The following PRKCA variants were observed in gnomAD, a reference collection of about 807,000 sequenced individuals.
PRKCA encodes the protein protein kinase C alpha type.
PRKCA carries 27 observed loss-of-function variants against 87.0 expected under a neutral mutation model. The ratio of observed to expected loss-of-function variants is 0.31; its 90% CI spans 0.23 to 0.43. PRKCA has a LOEUF of 0.43. PRKCA is among the 20% of genes least tolerant of loss of function. The pLI is 1.00. For synonymous variants in PRKCA, 329 were observed against 311.1 expected (o/e 1.06, Z -0.61); for missense variants, 518 against 852.3 (o/e 0.61, Z 4.88).
Position 66,415,385 on chromosome 17 carries a change from A to AT in PRKCA, c.206-80812dup. 6 of 152,216 alleles carry AT rather than the reference A, an allele frequency of 3.9e-5. No individual in the cohort carries two copies. The South Asian group carries it at 1.2e-3, about 32-fold the overall frequency. 9.4% of individuals were successfully genotyped at this position (152,216 alleles called of 1,614,324 possible). ...ACACTTGAAGTGAATGTCCTTTGTA[A>AT]TTTTCAAAGTGATCAGTGAGGGATT... On this transcript the variant is annotated intron_variant, in intron 2 of 16. Coordinates refer to ENST00000413366, the MANE Select transcript of PRKCA (RefSeq NM_002737.3).
chr17:66,603,992 G>A (rs562182228), intron 3 of PRKCA, among the ~76,000 whole-genome samples: 14 of 152,120 alleles, frequency 9.2e-5, no homozygotes, highest in South Asian at 2.1e-4. Context: ...TGGATATACC[G>A]CCCTTTGTCG....
chr17:66,650,837 C>T (rs1971573349), intron 5 of PRKCA, among the ~76,000 whole-genome samples: 1 of 152,184 alleles, frequency 6.6e-6, no homozygotes, highest in African/African-American at 2.4e-5. Context: ...AGGAAATGAG[C>T]CTCAGCTTTG....
At chr17:66,702,214 G>GT (rs1388811304) in intron 8 of PRKCA, among the ~76,000 whole-genome samples, 1 of 152,054 alleles carries the variant, frequency 6.6e-6, no homozygotes, top group African/African-American at 2.4e-5. Flanking sequence ...ATGTGTGTAT[G>GT]TGTGTGTATA....
intron 3 of PRKCA, among the ~76,000 whole-genome samples, chr17:66,528,900 T>A (rs889383941): frequency 3.9e-5 from 6 of 152,162 alleles, no homozygotes; most frequent in Non-Finnish European, 7.3e-5. Context: ...CTTTTAAATG[T>A]TAGAGGAGGG....
intron 2 of PRKCA, among the ~76,000 whole-genome samples, chr17:66,489,977 C>CTCTACTAAACATGAG (rs377417727): frequency 1.2e-3 from 179 of 152,114 alleles, no homozygotes; most frequent in African/African-American, 4.2e-3. Flanking sequence ...GACAGGGTTT[C>CTCTACTAAACATGAG]ACCATGTTGG....
chr17:66,538,700 G>T (rs9895770), intron 3 of PRKCA, among the ~76,000 whole-genome samples: 46,927 of 152,068 alleles, frequency 0.31, 7,963 homozygotes, highest in African/African-American at 0.44. Flanking sequence ...CATCCCTTGT[G>T]GGCAGTACTG....
chr17:66,355,937 C>T (rs11079652), intron 2 of PRKCA, among the ~76,000 whole-genome samples: 73,734 of 151,994 alleles, frequency 0.49, 20,921 homozygotes, highest in Non-Finnish European at 0.64. Context: ...TTGCTCTTGT[C>T]GCCCGGGCTG....
At chr17:66,538,547 A>C (rs1967870605) in intron 3 of PRKCA, among the ~76,000 whole-genome samples, 1 of 152,284 alleles carries the variant, frequency 6.6e-6, no homozygotes, top group South Asian at 2.1e-4. Context: ...GCTGCTATTT[A>C]AGAGTTGATA....
chr17:66,729,780 C>CTTTTTTTTTTTTTTTTTT (rs60247180), intron 8 of PRKCA, among the ~76,000 whole-genome samples: 4 of 105,106 alleles, frequency 3.8e-5, no homozygotes, highest in Non-Finnish European at 3.5e-5. Flanking sequence ...GCGAGTTATT[C>CTTTTTTTTTTTTTTTTTT]TTTTTTTTTT....
intron 3 of PRKCA, among the ~76,000 whole-genome samples, chr17:66,628,511 T>C (rs1970921041): frequency 6.6e-6 from 1 of 152,178 alleles, no homozygotes; most frequent in African/African-American, 2.4e-5. Flanking sequence ...TTCTCTCTCA[T>C]CTTTCTTGAA....
intron 3 of PRKCA, among the ~76,000 whole-genome samples, chr17:66,617,960 A>G (rs543956237): frequency 3.9e-5 from 6 of 152,290 alleles, no homozygotes; most frequent in African/African-American, 1.2e-4. Flanking sequence ...AGTTGCCCCA[A>G]CGTGGTGCCC....
chr17:66,616,840 G>A (rs1404409289), intron 3 of PRKCA, among the ~76,000 whole-genome samples: 2 of 151,902 alleles, frequency 1.3e-5, no homozygotes, highest in African/African-American at 4.8e-5. Context: ...AGGAGGGAGA[G>A]GGGGCTGGGG....
chr17:66,335,040 C>T (rs1378560705), intron 2 of PRKCA, among the ~76,000 whole-genome samples: 1 of 152,090 alleles, frequency 6.6e-6, no homozygotes, highest in Non-Finnish European at 1.5e-5. Flanking sequence ...ATGAGTTATA[C>T]ATTTCATGTA....
chr17:66,398,750 C>A (rs181222707), intron 2 of PRKCA, among the ~76,000 whole-genome samples: 3 of 152,008 alleles, frequency 2.0e-5, no homozygotes, highest in African/African-American at 7.3e-5. Context: ...GGTGGCGTCG[C>A]GCTACTCATA....
At chr17:66,417,204 C>CT (rs537292524) in intron 2 of PRKCA, among the ~76,000 whole-genome samples, 4,063 of 144,494 alleles carry the variant, frequency 0.028, 132 homozygotes, top group East Asian at 0.18. Context: ...CCAGCCTGGC[C>CT]TTTTTTTTTT....
intron 3 of PRKCA, among the ~76,000 whole-genome samples, chr17:66,497,956 CCACATA>C (rs543051389): frequency 1.5e-3 from 223 of 152,236 alleles, no homozygotes; most frequent in Non-Finnish European, 3.8e-4. Flanking sequence ...GGCTCTGAGC[CCACATA>C]CACATACACA....
rs1567917042 is a variant in PRKCA, at chr17:66,587,798, CGT to C, written c.289-53556_289-53555del. Reference sequence around the variant, plus strand: ...ATGTGTGTATATGTATACATATATACGTATATGTGTGTGTATATGTATACATA... The same window carrying C: ...ATGTGTGTATATGTATACATATATACATATGTGTGTGTATATGTATACATA... On this transcript the variant is annotated intron_variant, in intron 3 of 16. Transcript: ENST00000413366. 2.2e-3 allele frequency among the ~76,000 whole-genome samples: 186 copies of C among 84,834 alleles called. 22 individuals carry two copies. Among genetic ancestry groups the C allele is most frequent in the African/African-American group, 7.2e-3 (162 of 22,604 alleles). The allele number at this position is 84,834 out of a possible 152,430, so 55.7% of individuals were successfully genotyped here.
intron 2 of PRKCA, among the ~76,000 whole-genome samples, chr17:66,379,076 T>C (rs72846695): frequency 0.045 from 6,782 of 152,330 alleles, 219 homozygotes; most frequent in Admixed American, 0.078. Flanking sequence ...GAGTTGTTTA[T>C]ACTTTGACTA....
At chr17:66,374,883 A>G (rs1312158567) in intron 2 of PRKCA, among the ~76,000 whole-genome samples, 3 of 151,800 alleles carry the variant, frequency 2.0e-5, no homozygotes, top group African/African-American at 7.3e-5. Context: ...ACTTGCCACC[A>G]TGCCTGGCCA....
Sources: allele counts gnomAD v4.1 joint callset (sites outside exome capture counted in the v4.1 genomes callset), GRCh38; gene constraint gnomAD v4.1.1; transcripts MANE v1.5; gene names NCBI Gene and HGNC (gene_info 2026-07-23, HGNC 2026-07-21).